The following PCDH11X variants were observed in gnomAD, a reference collection of about 807,000 sequenced individuals.
PCDH11X encodes the protein protocadherin-11 X-linked.
PCDH11X carries 18 observed loss-of-function variants against 53.3 expected under a neutral mutation model. The observed-to-expected ratio is 0.34, with a 90% CI of 0.23 to 0.50. The LOEUF is 0.50. PCDH11X is among the 20% of genes least tolerant of loss of function. The pLI is 0.98. For missense variants in PCDH11X, 570 were observed against 1,032.4 expected, an observed-to-expected ratio of 0.55 and a Z score of 6.14; for synonymous variants, 279 against 393.3, an observed-to-expected ratio of 0.71 and a Z score of 3.44.
rs760619628 is a variant in PCDH11X, at chrX:92,273,566, G to A, written c.3144+10423G>A. Among the ~76,000 whole-genome samples the A allele has an allele frequency of 2.1e-3, 229 of 110,381 alleles. 4 individuals carry two copies. The highest frequency in any genetic ancestry group is 1.7e-3 in the Non-Finnish European group (90 of 52,869). On this transcript the variant is annotated intron_variant, in intron 8 of 10. Coordinates refer to ENST00000682573, the MANE Select transcript of PCDH11X (RefSeq NM_032968.5). ...TAAAATAGTGTTGAAGTGTTGGGGC[G>A]GTGAAAATTTTTGGGGGTGGTATGG...
chrX:91,962,813 G>A (rs1368728140), intron 6 of PCDH11X, among the ~76,000 whole-genome samples: 1 of 110,566 alleles, frequency 9.0e-6, no homozygotes, highest in African/African-American at 3.3e-5. Flanking sequence ...TCAATTCTTG[G>A]CTTCTGTGCA....
At chrX:92,042,332 A>G (rs938954088) in intron 6 of PCDH11X, among the ~76,000 whole-genome samples, 1 of 106,347 alleles carries the variant, frequency 9.4e-6, no homozygotes, top group Non-Finnish European at 1.9e-5. Flanking sequence ...TATTAAATAC[A>G]TGCATAAATG....
chrX:92,312,222 A>G (rs2068965882), intron 8 of PCDH11X, among the ~76,000 whole-genome samples: 1 of 111,498 alleles, frequency 9.0e-6, no homozygotes, highest in African/African-American at 3.2e-5. Context: ...TTCACAAAAC[A>G]TAGTTGATTA....
chrX:91,880,730 A>G (rs917758256), intron 6 of PCDH11X, among the ~76,000 whole-genome samples: 98 of 110,328 alleles, frequency 8.9e-4, no homozygotes, highest in Non-Finnish European at 1.6e-3. Context: ...TTATTTCTAC[A>G]GTTTAGATGA....
intron 6 of PCDH11X, among the ~76,000 whole-genome samples, chrX:92,094,622 T>C (rs1367813014): frequency 9.0e-6 from 1 of 111,391 alleles, no homozygotes; most frequent in Non-Finnish European, 1.9e-5. Context: ...ATTTAACTGC[T>C]CTATCATGTC....
intron 9 of PCDH11X, among the ~76,000 whole-genome samples, chrX:92,452,499 G>GTT (rs1268953024): frequency 2.2e-4 from 8 of 35,891 alleles, no homozygotes; most frequent in Admixed American, 3.5e-4. Context: ...ATATATATAT[G>GTT]TTTTTTTTTT....
intron 6 of PCDH11X, among the ~76,000 whole-genome samples, chrX:92,070,624 T>A (rs2063686075): frequency 9.0e-6 from 1 of 111,385 alleles, no homozygotes; most frequent in Non-Finnish European, 1.9e-5. Context: ...GGAGTTTGAT[T>A]ATTAAATGCC....
intron 6 of PCDH11X, among the ~76,000 whole-genome samples, chrX:91,955,561 C>T (rs1401999378): frequency 9.1e-6 from 1 of 110,327 alleles, no homozygotes; most frequent in East Asian, 2.9e-4. Context: ...GTTCAATTTC[C>T]ATGTAGTTGT....
intron 7 of PCDH11X, among the ~76,000 whole-genome samples, chrX:92,238,533 G>A (rs1272055853): frequency 1.8e-5 from 2 of 110,671 alleles, no homozygotes; most frequent in East Asian, 2.8e-4. Context: ...TTGTTACAAA[G>A]GTTAAATGAG....
intron 10 of PCDH11X, among the ~76,000 whole-genome samples, chrX:92,519,817 A>C (rs1406639161): frequency 3.8e-5 from 4 of 106,499 alleles, no homozygotes; most frequent in Non-Finnish European, 5.8e-5. Flanking sequence ...AAAAGCCCCC[A>C]AAAACATGTA....
At chrX:92,172,166 AG>A in intron 6 of PCDH11X, among the ~76,000 whole-genome samples, 1 of 110,693 alleles carries the variant, frequency 9.0e-6, no homozygotes, top group African/African-American at 3.3e-5. Context: ...TAGAACCTCC[AG>A]TGCAATGTTT....
chrX:91,992,802 T>C (rs2062348975), intron 6 of PCDH11X, among the ~76,000 whole-genome samples: 1 of 110,821 alleles, frequency 9.0e-6, no homozygotes, highest in South Asian at 3.9e-4. Flanking sequence ...ATTTCTATAT[T>C]TTAGATGAGT....
intron 8 of PCDH11X, among the ~76,000 whole-genome samples, chrX:92,278,334 T>C (rs2068157373): frequency 9.1e-6 from 1 of 110,329 alleles, no homozygotes; most frequent in Non-Finnish European, 1.9e-5. Context: ...CTAAGGGAGG[T>C]CCCCCGATCT....
At chrX:92,215,044 G>A (rs1479085523) in intron 7 of PCDH11X, among the ~76,000 whole-genome samples, 5 of 111,305 alleles carry the variant, frequency 4.5e-5, no homozygotes, top group Admixed American at 9.5e-5. Flanking sequence ...GGGAGATCCC[G>A]ACTAAAAAGA....
At position 91,871,485 on chromosome X, in the gene PCDH11X, A is replaced by G. The variant is rs555466252; in HGVS notation, c.541-5296A>G. Among the ~76,000 whole-genome samples, 59 of 104,947 alleles carry G rather than the reference A, an allele frequency of 5.6e-4. 1 individual carries two copies. The South Asian group carries it at 0.025, about 45-fold the overall frequency. 91.1% of individuals were successfully genotyped at this position (104,947 alleles called of 115,157 possible). ...CTCTTTGGAACTATTTTTAGTACTT[A>G]CTGGCACTGTATGCATTTTCTGGGC... On this transcript the variant is annotated intron_variant, in intron 5 of 10. Coordinates refer to ENST00000682573, the MANE Select transcript of PCDH11X (RefSeq NM_032968.5).
intron 5 of PCDH11X, among the ~76,000 whole-genome samples, chrX:91,847,629 A>G (rs1937757015): frequency 9.0e-6 from 1 of 111,578 alleles, no homozygotes; most frequent in African/African-American, 3.3e-5. Flanking sequence ...TACTTGCACA[A>G]ACTTGAACTT....
chrX:92,343,260 T>C (rs1010380716), intron 8 of PCDH11X, among the ~76,000 whole-genome samples: 36 of 111,971 alleles, frequency 3.2e-4, no homozygotes, highest in African/African-American at 1.1e-3. Context: ...TTAGGTAGAA[T>C]AGAACTTATC....
intron 5 of PCDH11X, among the ~76,000 whole-genome samples, chrX:91,872,929 A>T (rs907049429): frequency 1.9e-5 from 2 of 107,158 alleles, no homozygotes; most frequent in Non-Finnish European, 3.9e-5. Flanking sequence ...CCTGAAGGAG[A>T]TTGAACAGAA....
At chrX:91,926,473 A>G (rs1322810258) in intron 6 of PCDH11X, among the ~76,000 whole-genome samples, 1 of 111,436 alleles carries the variant, frequency 9.0e-6, no homozygotes, top group Non-Finnish European at 1.9e-5. Context: ...TTGTAGAGTT[A>G]TCACTTCTTT....
Sources: gnomAD v4.1 joint callset for allele counts (sites outside exome capture counted in the v4.1 genomes callset) on GRCh38, gnomAD v4.1.1 for gene constraint, MANE v1.5 for transcripts, NCBI Gene and HGNC (gene_info 2026-07-23, HGNC 2026-07-21) for gene names.